The following SLX4 variants were observed in gnomAD, a reference collection of about 807,000 sequenced individuals.
SLX4 encodes the protein structure-specific endonuclease subunit SLX4.
In SLX4, 112 loss-of-function variants were observed where a neutral mutation model predicts 146.2. The ratio of observed to expected loss-of-function variants is 0.77; its 90% CI spans 0.66 to 0.90. The LOEUF (loss-of-function observed/expected upper bound fraction) is 0.90, where lower values mean the gene tolerates loss of function less well. Ranked by LOEUF, SLX4 falls within the 40% of genes least tolerant of loss-of-function variation. SLX4 has a pLI of 0.00. For synonymous variants in SLX4, 1,061 were observed against 997.7 expected, an observed-to-expected ratio of 1.06 and a Z score of -1.20; for missense variants, 2,563 against 2,392.7, an observed-to-expected ratio of 1.07 and a Z score of -1.49.
At chr16:3,595,485 G>T in intron 9 of SLX4, 120 bp downstream of exon 9, 1 of 1,075,940 alleles carries the variant, frequency 9.3e-7, no homozygotes. Context: ...GAAAGCAGAG[G>T]CCTTGAGAGG....
chr16:3,583,013 A>G (rs2040458465), intron 14 of SLX4, 84 bp downstream of exon 14: 1 of 1,528,906 alleles, frequency 6.5e-7, no homozygotes, highest in African/African-American at 1.4e-5. Flanking sequence ...AAGATTGGCC[A>G]TTAGGTCTCA....
At position 3,608,688 on chromosome 16, in the gene SLX4, T is replaced by C; in HGVS notation, c.277A>G (p.Thr93Ala). The C allele has an allele frequency of 6.2e-7, 1 of 1,614,244 alleles. No homozygotes were observed. The highest frequency in any genetic ancestry group is 8.5e-7 in the Non-Finnish European group (1 of 1,180,050). The change falls in exon 2 of 15, where the codon ACC (threonine) becomes GCC (alanine). Residue 93 changes from threonine to alanine, a missense_variant. Thr to Ala is a moderately conservative substitution (Grantham distance 58). Transcript: ENST00000294008. ...GTQIRSKLKR[T>A]KQTATKTKTL... Reference sequence around the variant, plus strand: ...TTGGTCTTGGTAGCAGTTTGTTTGGTCCTTTTCAATTTGCTTCTTATCTGA... The same window carrying C: ...TTGGTCTTGGTAGCAGTTTGTTTGGCCCTTTTCAATTTGCTTCTTATCTGA...
Position 3,589,489 on chromosome 16 carries a change from G to A in SLX4, c.4149C>T (p.Phe1383=), listed in dbSNP as rs983816841. 64 of 1,610,292 alleles carry A rather than the reference G, an allele frequency of 4.0e-5. No homozygotes were observed. Among genetic ancestry groups the A allele is most frequent in the Non-Finnish European group, 5.1e-5 (60 of 1,177,402 alleles). ...CTTCACCCGCTGGGGTCTGGTTCAGGAAGCTTGGCCCAGGCGGCGAGTGTT... is the reference window on the plus strand; with the variant it reads ...CTTCACCCGCTGGGGTCTGGTTCAGAAAGCTTGGCCCAGGCGGCGAGTGTT... The part of the protein sequence containing the change: ...FLKHSPPGPS[F]LNQTPAGEVV... The change falls in exon 12 of 15, where the codon TTC becomes TTT. Residue 1383 remains phenylalanine, a synonymous_variant. Coordinates refer to ENST00000294008, the MANE Select transcript of SLX4 (RefSeq NM_032444.4). The surrounding 1 kb of genome is among the most constrained non-coding windows in gnomAD (Gnocchi z 6.2).
chr16:3,591,571 G>A (rs2040596416), intron 11 of SLX4, among the ~76,000 whole-genome samples: 2 of 152,198 alleles, frequency 1.3e-5, no homozygotes, highest in East Asian at 1.9e-4. Context: ...CGGACTGAAT[G>A]TAAGGTAACA....
intron 3 of SLX4, among the ~76,000 whole-genome samples, chr16:3,605,774 T>C (rs143587695): frequency 0.092 from 13,697 of 149,420 alleles, 741 homozygotes; most frequent in African/African-American, 0.15. Flanking sequence ...GGTGAAACCT[T>C]GTCTCTACTA....
rs2151134972 is a variant in SLX4, at chr16:3,602,227, C to T, written c.841G>A (p.Ala281Thr). The T allele has an allele frequency of 1.2e-6, 2 of 1,614,220 alleles. No homozygotes were observed. The highest frequency in any genetic ancestry group is 1.7e-6 in the Non-Finnish European group (2 of 1,180,046). ...TCCAGGCTATCATCATGTGCCGATG[C>T]TCCTACCCGTGCAAACTCCTGCTGC... ...TLQQEFARVG[A>T]SAHDDSLEEK... Residue 281 changes from alanine (A) to threonine (T), a missense_variant, in exon 4 of 15, where the codon GCA becomes ACA. Coordinates refer to ENST00000294008, the MANE Select transcript of SLX4 (RefSeq NM_032444.4).
rs759271070 is a variant in SLX4 at position 3,591,120 on chromosome 16, C to T, written c.2518G>A (p.Glu840Lys). The change falls in exon 12 of 15, where the codon GAA (glutamate) becomes AAA (lysine). Residue 840 changes from glutamate (E) to lysine (K), a missense_variant. Transcript: ENST00000294008. ...TCATTCACGTTTTCTTGATCTTCTT[C>T]GTGGTCCTTGGATTTCAACAAAGTC... ...AETLLKSKDH[E>K]EDQENVNEAE... The T allele has an allele frequency of 5.0e-6, 8 of 1,614,110 alleles. No homozygotes were observed. In the Admixed American group the frequency reaches 6.7e-5, roughly 13 times the overall value.
At chr16:3,608,236 G>C (rs2040808282) in intron 2 of SLX4, among the ~76,000 whole-genome samples, 194 bp downstream of exon 2, 1 of 152,220 alleles carries the variant, frequency 6.6e-6, no homozygotes, top group Non-Finnish European at 1.5e-5. Context: ...CTGGCTGCCT[G>C]TTTTTGTAAA....
chr16:3,592,804 C>T lies in SLX4; in HGVS notation c.2222G>A (p.Gly741Asp). The T allele has an allele frequency of 3.1e-6, 5 of 1,612,550 alleles. No homozygotes were observed. The highest frequency in any genetic ancestry group is 4.2e-6 in the Non-Finnish European group (5 of 1,180,018). The change falls in exon 11 of 15, where the codon GGT becomes GAT. Residue 741 changes from glycine to aspartate, a missense_variant. By Grantham distance (94) the Gly-to-Asp change is moderately conservative (BLOSUM62 -1). Transcript: ENST00000294008. ...GCGGGCGGCCTCGGTGCTCACGTCA[C>T]CCAGCAGGACACGCTGGGTCAGAAC... The part of the protein sequence containing the change: ...DGVLTQRVLL[G>D]DVSTEAARTF...
rs1463441770 is a variant in SLX4, at chr16:3,595,586, G to A, written c.2013+19C>T. On this transcript the variant is annotated intron_variant, in intron 9 of 14. Transcript: ENST00000294008. Reference sequence around the variant, plus strand: ...GGGATGGCCGGGACCAGAGAGCGCGGGCCAGAGCCAGTTCTTACCAAGGTG... The same window carrying A: ...GGGATGGCCGGGACCAGAGAGCGCGAGCCAGAGCCAGTTCTTACCAAGGTG... 8 of 1,613,136 alleles carry A rather than the reference G, an allele frequency of 5.0e-6. No individual in the cohort carries two copies. In the Admixed American group the frequency reaches 6.7e-5, roughly 13 times the overall value.
At chr16:3,587,873 C>T (rs2040525441) in intron 12 of SLX4, among the ~76,000 whole-genome samples, 1 of 152,210 alleles carries the variant, frequency 6.6e-6, no homozygotes, top group African/African-American at 2.4e-5. Context: ...CCTGGCCTTT[C>T]TCCCAGTCAT....
chr16:3,598,078 G>C, intron 5 of SLX4, 79 bp from the exon 6 acceptor site: 4 of 1,547,874 alleles, frequency 2.6e-6, no homozygotes, highest in Non-Finnish European at 2.7e-6. Flanking sequence ...GGTCTGGAGA[G>C]GGCTGGGCCT....
chr16:3,611,008 C>T (rs2040860636), intron 1 of SLX4, among the ~76,000 whole-genome samples: 1 of 151,534 alleles, frequency 6.6e-6, no homozygotes, highest in African/African-American at 2.4e-5. Context: ...ATATGAACCT[C>T]ACAACAGTCT....
At chr16:3,582,830 C>G in intron 14 of SLX4, 137 bp from the exon 15 acceptor site, 1 of 912,262 alleles carries the variant, frequency 1.1e-6, no homozygotes. Flanking sequence ...CAAGGCAGGA[C>G]GGGCCTGAGA....
rs150539801 is a variant in SLX4 at position 3,601,413 on chromosome 16, G to T, written c.951-222C>A. The T allele has an allele frequency of 2.0e-3, 1,145 of 583,526 alleles. 3 individuals are homozygous for T. Among genetic ancestry groups the T allele is most frequent in the Non-Finnish European group, 2.9e-3 (931 of 324,854 alleles). 36.1% of individuals were successfully genotyped at this position (583,526 alleles called of 1,614,324 possible). On this transcript the variant is annotated intron_variant, in intron 4 of 14. Transcript: ENST00000294008. Reference sequence around the variant, plus strand: ...TAAAGAAAGCAAGGAAAGATTAAATGCAGTTACATGATGACTTAGAAATTC... The same window carrying T: ...TAAAGAAAGCAAGGAAAGATTAAATTCAGTTACATGATGACTTAGAAATTC...
At chr16:3,606,753 C>T in intron 2 of SLX4, 55 bp from the exon 3 acceptor site, 1 of 1,589,080 alleles carries the variant, frequency 6.3e-7, no homozygotes, top group African/African-American at 1.3e-5. Context: ...AAATAAAAGA[C>T]TTTTCTACCA....
intron 13 of SLX4, among the ~76,000 whole-genome samples, chr16:3,584,152 GT>G: frequency 6.6e-6 from 1 of 152,216 alleles, no homozygotes; most frequent in Admixed American, 6.5e-5. Context: ...GCCGGGCACA[GT>G]GGCTCACGCC....
intron 2 of SLX4, among the ~76,000 whole-genome samples, chr16:3,607,213 C>T (rs1422271305): frequency 1.3e-5 from 2 of 152,110 alleles, no homozygotes; most frequent in Non-Finnish European, 2.9e-5. Flanking sequence ...CGCATGGATA[C>T]GTGTTTTGGG....
chr16:3,596,154 T>C lies in SLX4; in HGVS notation c.1923A>G (p.Ala641=). ...SGGLAGSEGT[A]GLDVVPGGLP... The stretch of plus-strand genomic sequence containing the variant: ...CTAGAGTCCCACCCAGCATCTCACC[T>C]GCAGTCCCTTCCGAGCCAGCCAGGC... The change falls in exon 8 of 15, where the codon GCA becomes GCG. Residue 641 remains alanine, a splice_region_variant and synonymous_variant. Coordinates refer to ENST00000294008, the MANE Select transcript of SLX4 (RefSeq NM_032444.4). 1 of 1,550,664 alleles carries C rather than the reference T, an allele frequency of 6.4e-7. No homozygotes were observed. Among genetic ancestry groups the C allele is most frequent in the Non-Finnish European group, 8.7e-7 (1 of 1,150,022 alleles).
Sources: allele counts gnomAD v4.1 joint callset (sites outside exome capture counted in the v4.1 genomes callset), GRCh38; gene constraint gnomAD v4.1.1; non-coding constraint Gnocchi (gnomAD v3.1); transcripts MANE v1.5; gene names NCBI Gene and HGNC (gene_info 2026-07-23, HGNC 2026-07-21).